Variants in PCSK6 observed in about 807,000 individuals in gnomAD.
PCSK6 encodes the protein proprotein convertase subtilisin/kexin type 6.
PCSK6 carries 85 observed loss-of-function variants against 123.3 expected under a neutral mutation model. The observed-to-expected ratio is 0.69, with a 90% CI of 0.58 to 0.83. The LOEUF (loss-of-function observed/expected upper bound fraction) is 0.83, where lower values mean the gene tolerates loss of function less well. Among genes scored for constraint, PCSK6 ranks in the 40% least tolerant of loss-of-function variants. PCSK6 has a pLI of 0.00. For synonymous variants in PCSK6, 508 were observed against 516.0 expected (o/e 0.98, Z 0.21); for missense variants, 1,191 against 1,282.3 (o/e 0.93, Z 1.09).
chr15:101,412,130 A>G (rs1431624876), intron 6 of PCSK6, among the ~76,000 whole-genome samples: 1 of 152,198 alleles, frequency 6.6e-6, no homozygotes, highest in African/African-American at 2.4e-5. Context: ...GGGGCCCTGG[A>G]CAACCTACCC....
At chr15:101,384,602 C>A (rs542448786) in intron 9 of PCSK6, among the ~76,000 whole-genome samples, 177 bp from the exon 10 acceptor site, 2 of 152,226 alleles carry the variant, frequency 1.3e-5, no homozygotes, top group Non-Finnish European at 2.9e-5. Context: ...AACAAGTTTC[C>A]GGCAACTAAA....
intron 1 of PCSK6, among the ~76,000 whole-genome samples, chr15:101,456,582 C>A (rs956873161): frequency 2.0e-5 from 3 of 152,188 alleles, no homozygotes; most frequent in African/African-American, 7.2e-5. Flanking sequence ...GCGAGCATGA[C>A]ACAGCAAGAT....
intron 13 of PCSK6, among the ~76,000 whole-genome samples, chr15:101,343,222 T>A (rs11852754): frequency 0.75 from 113,341 of 152,094 alleles, 42,729 homozygotes; most frequent in African/African-American, 0.85. Flanking sequence ...TGCGTTTTTC[T>A]TTCCTGAAAT....
chr15:101,482,130 T>C (rs1388540084), intron 1 of PCSK6, among the ~76,000 whole-genome samples: 10 of 152,230 alleles, frequency 6.6e-5, no homozygotes, highest in Admixed American at 6.5e-4. Flanking sequence ...GATTTACCTT[T>C]GTCTGGGAAG....
At chr15:101,383,858 C>T (rs552862865) in intron 10 of PCSK6, among the ~76,000 whole-genome samples, 10 of 148,218 alleles carry the variant, frequency 6.7e-5, no homozygotes, top group African/African-American at 2.5e-4. Context: ...GTACAGTTTC[C>T]TTTTAAAATA....
rs1455079027 is a variant in PCSK6 at position 101,366,351 on chromosome 15, T to C, written c.1722-19A>G. 1 of 1,608,012 alleles carries C rather than the reference T, an allele frequency of 6.2e-7. No homozygotes were observed. The highest frequency in any genetic ancestry group is 1.1e-5 in the South Asian group (1 of 90,064). On this transcript the variant is annotated intron_variant, in intron 12 of 21. Coordinates refer to ENST00000611716, the MANE Select transcript of PCSK6 (RefSeq NM_002570.5). ...CAGCAACCTGCAATTGGAGGTGTGG[T>C]GTCAGAAATGAAGGTGCTGGTACTG...
intron 2 of PCSK6, among the ~76,000 whole-genome samples, chr15:101,435,829 C>T (rs2056582994): frequency 1.3e-5 from 2 of 152,148 alleles, no homozygotes; most frequent in East Asian, 3.9e-4. Context: ...CAAGCAGAGA[C>T]CCAGGAGGGG....
At chr15:101,449,015 G>A (rs1335196474) in intron 1 of PCSK6, among the ~76,000 whole-genome samples, 1 of 152,124 alleles carries the variant, frequency 6.6e-6, no homozygotes, top group African/African-American at 2.4e-5. Flanking sequence ...CGGTGTGTGT[G>A]TGTGCATATG....
intron 1 of PCSK6, among the ~76,000 whole-genome samples, chr15:101,472,450 G>C (rs185550392): frequency 1.3e-5 from 2 of 152,342 alleles, no homozygotes; most frequent in Non-Finnish European, 2.9e-5. Flanking sequence ...GCCCAAGCTC[G>C]AGACTTGCAA....
At chr15:101,418,998 C>A (rs983919132) in intron 6 of PCSK6, among the ~76,000 whole-genome samples, 4 of 152,092 alleles carry the variant, frequency 2.6e-5, no homozygotes, top group Non-Finnish European at 5.9e-5. Flanking sequence ...ACAGGGAAGA[C>A]ATTTACAAAT....
chr15:101,371,464 A>G (rs1428432060), intron 11 of PCSK6, among the ~76,000 whole-genome samples: 1 of 152,258 alleles, frequency 6.6e-6, no homozygotes, highest in East Asian at 1.9e-4. Context: ...TTTAACAAAC[A>G]AACAAATAAA....
rs541902791 is a variant in PCSK6, at chr15:101,411,664, C to A, written c.824-13088G>T. On this transcript the variant is annotated intron_variant, in intron 6 of 21. Coordinates refer to ENST00000611716, the MANE Select transcript of PCSK6 (RefSeq NM_002570.5). The stretch of plus-strand genomic sequence containing the variant: ...GGGCCAATAGAACAAATGGAAAAAA[C>A]CATACACAATAAGTAGGCCAAATAC... Among the ~76,000 whole-genome samples, 5 of 152,278 alleles carry A rather than the reference C, an allele frequency of 3.3e-5. No individual in the cohort carries two copies. The East Asian group carries it at 5.8e-4, about 18-fold the overall frequency.
intron 1 of PCSK6, among the ~76,000 whole-genome samples, chr15:101,464,674 G>T (rs980829233): frequency 7.2e-5 from 11 of 152,284 alleles, no homozygotes; most frequent in Admixed American, 5.9e-4. Context: ...GCAGGGAAAT[G>T]GGAGGCTGGA....
intron 20 of PCSK6, chr15:101,312,976 G>C (rs2039901360): frequency 9.0e-7 from 1 of 1,116,208 alleles, no homozygotes; most frequent in African/African-American, 1.6e-5. Context: ...GTGCACTCCA[G>C]CCTGGGCGAC....
At chr15:101,481,206 CA>C (rs1201475948) in intron 1 of PCSK6, among the ~76,000 whole-genome samples, 1 of 152,220 alleles carries the variant, frequency 6.6e-6, no homozygotes, top group Non-Finnish European at 1.5e-5. Context: ...GTCCAGGTGG[CA>C]GGGGGCCTGG....
intron 14 of PCSK6, 55 bp downstream of exon 14, chr15:101,331,797 T>C (rs2040376281): frequency 6.2e-7 from 1 of 1,606,472 alleles, no homozygotes; most frequent in African/African-American, 1.3e-5. Context: ...AGAGCTACTC[T>C]GGACAATCAA....
intron 1 of PCSK6, among the ~76,000 whole-genome samples, chr15:101,454,860 G>A (rs1488202334): frequency 1.3e-5 from 2 of 152,032 alleles, no homozygotes; most frequent in Admixed American, 6.6e-5. Flanking sequence ...CAGGAGAATC[G>A]CTTGAACCCA....
intron 11 of PCSK6, among the ~76,000 whole-genome samples, chr15:101,374,757 T>C (rs775995780): frequency 6.6e-6 from 1 of 152,108 alleles, no homozygotes; most frequent in Non-Finnish European, 1.5e-5. Flanking sequence ...AATTAAGCAA[T>C]AGGAAAACAG....
At chr15:101,397,963 G>C (rs1410391046) in intron 7 of PCSK6, among the ~76,000 whole-genome samples, 1 of 152,238 alleles carries the variant, frequency 6.6e-6, no homozygotes, top group East Asian at 1.9e-4. Context: ...TGCTGCAGCG[G>C]GGCCTGGGTG....
Sources: gnomAD v4.1 joint callset for allele counts (sites outside exome capture counted in the v4.1 genomes callset) on GRCh38, gnomAD v4.1.1 for gene constraint, MANE v1.5 for transcripts, NCBI Gene and HGNC (gene_info 2026-07-23, HGNC 2026-07-21) for gene names.